The following SLC25A21 variants were observed in gnomAD, a reference collection of about 807,000 sequenced individuals.
The protein encoded by SLC25A21 is mitochondrial 2-oxodicarboxylate carrier.
Under a neutral mutation model 43.8 loss-of-function variants are expected in SLC25A21, and 47 were observed. The observed-to-expected ratio is 1.07, with a 90% CI of 0.85 to 1.37. The LOEUF is 1.37. Among genes scored for constraint, SLC25A21 ranks in the 40% most tolerant of loss-of-function variants. The pLI is 0.00. For missense variants in SLC25A21, 352 were observed against 350.2 expected, an observed-to-expected ratio of 1.00 and a Z score of -0.04; for synonymous variants, 131 against 121.3, an observed-to-expected ratio of 1.08 and a Z score of -0.52.
chr14:36,796,360 T>C (rs2138411205), intron 3 of SLC25A21, among the ~76,000 whole-genome samples: 1 of 149,800 alleles, frequency 6.7e-6, no homozygotes, highest in South Asian at 2.1e-4. Context: ...TTTATTTATT[T>C]ATTTATTTAT....
chr14:36,727,195 C>A (rs61398767), intron 5 of SLC25A21, among the ~76,000 whole-genome samples: 5,418 of 152,194 alleles, frequency 0.036, 278 homozygotes, highest in African/African-American at 0.11. Flanking sequence ...CATTATTTAC[C>A]CAAAGGTGCC....
At chr14:37,063,086 G>A (rs927382043) in intron 1 of SLC25A21, among the ~76,000 whole-genome samples, 9 of 152,082 alleles carry the variant, frequency 5.9e-5, no homozygotes, top group African/African-American at 2.2e-4. Context: ...TAAAACCATC[G>A]TATCTCATGA....
At chr14:36,826,451 C>G (rs569710898) in intron 2 of SLC25A21, among the ~76,000 whole-genome samples, 1 of 152,248 alleles carries the variant, frequency 6.6e-6, no homozygotes, top group Admixed American at 6.5e-5. Context: ...ATCAGTGTGT[C>G]TGCCTCTAAG....
At chr14:36,864,192 T>C (rs538376043) in intron 2 of SLC25A21, among the ~76,000 whole-genome samples, 4 of 152,312 alleles carry the variant, frequency 2.6e-5, no homozygotes, top group Admixed American at 1.3e-4. Context: ...TATACAAATG[T>C]GAGACCTTTC....
At chr14:36,723,576 C>A (rs1024672685) in intron 6 of SLC25A21, among the ~76,000 whole-genome samples, 1 of 152,182 alleles carries the variant, frequency 6.6e-6, no homozygotes, top group Non-Finnish European at 1.5e-5. Flanking sequence ...TAATTTACAC[C>A]GACTGCATTT....
intron 1 of SLC25A21, among the ~76,000 whole-genome samples, chr14:37,029,226 T>A (rs891062956): frequency 3.0e-4 from 45 of 152,290 alleles, no homozygotes; most frequent in African/African-American, 9.9e-4. Context: ...AAGGTTTAAT[T>A]TTTTCCTTTC....
intron 1 of SLC25A21, among the ~76,000 whole-genome samples, chr14:36,988,171 G>A (rs1960187240): frequency 6.6e-6 from 1 of 152,246 alleles, no homozygotes; most frequent in African/African-American, 2.4e-5. Context: ...GTGTAATATC[G>A]GGGGAGAGAG....
chr14:36,819,376 T>C (rs537740451), intron 2 of SLC25A21, among the ~76,000 whole-genome samples: 1 of 151,820 alleles, frequency 6.6e-6, no homozygotes, highest in Non-Finnish European at 1.5e-5. Flanking sequence ...ATGTTTGCAC[T>C]AATTGAAGCA....
intron 7 of SLC25A21, among the ~76,000 whole-genome samples, chr14:36,686,697 C>T (rs17105056): frequency 0.03 from 4,578 of 152,210 alleles, 234 homozygotes; most frequent in African/African-American, 0.1. Flanking sequence ...TTGAAATCCC[C>T]GTGACATTGC....
chr14:37,030,101 C>A (rs57432181), intron 1 of SLC25A21, among the ~76,000 whole-genome samples: 11,130 of 152,054 alleles, frequency 0.073, 1,373 homozygotes, highest in African/African-American at 0.25. Context: ...TTACCAATAA[C>A]ATGAACAGTT....
At chr14:36,783,906 C>G (rs778388908) in intron 3 of SLC25A21, among the ~76,000 whole-genome samples, 2 of 152,108 alleles carry the variant, frequency 1.3e-5, no homozygotes, top group African/African-American at 2.4e-5. Flanking sequence ...TGTTCTGTAC[C>G]CGACTTCCCA....
rs545562324 is a variant in SLC25A21, at chr14:36,917,799, T to C, written c.71-42795A>G. 4.8e-4 allele frequency among the ~76,000 whole-genome samples: 73 copies of C among 152,302 alleles called. 1 individual carries two copies. The South Asian group carries it at 0.014, about 29-fold the overall frequency. ...AAAAAACCAGGAGGCACCTAACATT[T>C]ACATTTTATCATCAGTAGAAAAGAT... On this transcript the variant is annotated intron_variant, in intron 1 of 9. Coordinates refer to ENST00000331299, the MANE Select transcript of SLC25A21 (RefSeq NM_030631.4).
chr14:36,993,531 G>A (rs1030457305), intron 1 of SLC25A21, among the ~76,000 whole-genome samples: 2 of 152,042 alleles, frequency 1.3e-5, no homozygotes, highest in African/African-American at 4.8e-5. Flanking sequence ...GGTATAAATT[G>A]GAGACATATA....
At chr14:37,059,448 A>G (rs1961898054) in intron 1 of SLC25A21, among the ~76,000 whole-genome samples, 1 of 152,228 alleles carries the variant, frequency 6.6e-6, no homozygotes, top group South Asian at 2.1e-4. Context: ...TGTTACTGTC[A>G]TATACTGTCA....
chr14:36,837,861 C>T (rs1240036219), intron 2 of SLC25A21, among the ~76,000 whole-genome samples: 1 of 152,182 alleles, frequency 6.6e-6, no homozygotes, highest in Non-Finnish European at 1.5e-5. Context: ...TGAATGAGCT[C>T]TCCAGTCCTG....
intron 1 of SLC25A21, among the ~76,000 whole-genome samples, chr14:37,134,832 C>T (rs1411316898): frequency 6.6e-6 from 1 of 151,934 alleles, no homozygotes; most frequent in African/African-American, 2.4e-5. Flanking sequence ...GTGGCTCATG[C>T]TTGTAATTCC....
At chr14:36,994,830 T>C (rs1960338148) in intron 1 of SLC25A21, among the ~76,000 whole-genome samples, 1 of 152,182 alleles carries the variant, frequency 6.6e-6, no homozygotes, top group Non-Finnish European at 1.5e-5. Flanking sequence ...ACCAATGCAG[T>C]CCTCGTTTCC....
At chr14:37,079,892 G>A (rs1302092706) in intron 1 of SLC25A21, among the ~76,000 whole-genome samples, 1 of 152,180 alleles carries the variant, frequency 6.6e-6, no homozygotes, top group Non-Finnish European at 1.5e-5. Flanking sequence ...TGGGGCTTGT[G>A]GTAGGGGATT....
At chr14:37,132,591 A>C (rs1193244504) in intron 1 of SLC25A21, among the ~76,000 whole-genome samples, 1 of 151,632 alleles carries the variant, frequency 6.6e-6, no homozygotes, top group South Asian at 2.1e-4. Context: ...CTTCCACGGC[A>C]CTCTTTTCTT....
Sources: allele counts gnomAD v4.1 joint callset (sites outside exome capture counted in the v4.1 genomes callset), GRCh38; gene constraint gnomAD v4.1.1; transcripts MANE v1.5; gene names NCBI Gene and HGNC (gene_info 2026-07-23, HGNC 2026-07-21).